PMS2: variants seen among roughly 807,000 people sequenced by gnomAD.
The protein encoded by PMS2 is mismatch repair endonuclease PMS2.
In PMS2, 69 loss-of-function variants were observed where a neutral mutation model predicts 90.0. The observed-to-expected ratio is 0.77, with a 90% CI of 0.63 to 0.94. PMS2 has a LOEUF of 0.94. Among genes scored for constraint, PMS2 ranks in the 40% least tolerant of loss-of-function variants. The pLI is 0.00. For missense variants in PMS2, 966 were observed against 1,040.2 expected (o/e 0.93, Z 0.98); for synonymous variants, 332 against 375.1 (o/e 0.89, Z 1.33).
At position 5,999,278 on chromosome 7, in the gene PMS2, G is replaced by A; in HGVS notation, c.538-3C>T. On this transcript the variant is annotated splice_region_variant and splice_polypyrimidine_tract_variant and intron_variant, in intron 5 of 14. Coordinates refer to ENST00000265849, the MANE Select transcript of PMS2 (RefSeq NM_000535.7). ...ACCTGGACCATTTTGGCATACTCCT[G>A]TTTAAAAAACACAAACACAATATTC... The A allele has an allele frequency of 6.2e-7, 1 of 1,612,566 alleles. No homozygotes were observed. Among genetic ancestry groups the A allele is most frequent in the Non-Finnish European group, 8.5e-7 (1 of 1,178,668 alleles).
At chr7:5,998,966 G>A in intron 6 of PMS2, 142 bp downstream of exon 6, 2 of 771,568 alleles carry the variant, frequency 2.6e-6, no homozygotes, top group Non-Finnish European at 4.3e-6. Flanking sequence ...CTCCAGCCTG[G>A]GCAGCAGTGC....
At chr7:5,997,216 G>GAAAA in intron 7 of PMS2, 110 bp downstream of exon 7, 17 of 568,866 alleles carry the variant, frequency 3.0e-5, no homozygotes, top group South Asian at 9.9e-5. Context: ...TCCGTCTCAA[G>GAAAA]AAAAAAAAAA....
chr7:5,978,829 C>A, intron 12 of PMS2, 133 bp from the exon 13 acceptor site: 1 of 1,142,358 alleles, frequency 8.8e-7, no homozygotes, highest in Non-Finnish European at 1.3e-6. Flanking sequence ...CAACACTACT[C>A]AGCTAAGTGT....
intron 7 of PMS2, among the ~76,000 whole-genome samples, chr7:5,996,479 T>C (rs1464747426): frequency 6.6e-6 from 1 of 150,534 alleles, no homozygotes; most frequent in African/African-American, 2.4e-5. Flanking sequence ...CGCTTGAACC[T>C]GGGAGGCAGA....
chr7:6,003,395 T>G (rs1785330760), intron 4 of PMS2: 1 of 258,802 alleles, frequency 3.9e-6, no homozygotes, highest in East Asian at 8.9e-5. Context: ...CCCTAAAAAT[T>G]GATAATGAAA....
Position 5,995,635 on chromosome 7 carries a change from T to C in PMS2, c.804-2A>G, listed in dbSNP as rs1307026290. ...CATTGTGAAATGAAACCTGAGATGC[T>C]ATTCAACATTAATATGGTAAGGGCA... On this transcript the variant is annotated splice_acceptor_variant, in intron 7 of 14. Coordinates refer to ENST00000265849, the MANE Select transcript of PMS2 (RefSeq NM_000535.7). LOFTEE classifies it high-confidence loss of function. 1.9e-6 allele frequency: 3 copies of C among 1,588,994 alleles called. No individual in the cohort carries two copies. In the Admixed American group the frequency reaches 5.0e-5, roughly 26 times the overall value.
chr7:6,004,229 T>C, intron 2 of PMS2, 171 bp from the exon 3 acceptor site: 1 of 571,896 alleles, frequency 1.7e-6, no homozygotes, highest in East Asian at 3.0e-5. Context: ...TTCTGGCTAT[T>C]TACTAGCCCA....
chr7:6,003,045 G>A (rs1404403825), intron 4 of PMS2, among the ~76,000 whole-genome samples: 3 of 152,136 alleles, frequency 2.0e-5, no homozygotes, highest in Admixed American at 1.3e-4. Flanking sequence ...TGTTATCCCA[G>A]CACTTTGGGA....
chr7:5,995,343 G>T (rs972038765), intron 8 of PMS2, among the ~76,000 whole-genome samples, 191 bp downstream of exon 8: 1 of 152,148 alleles, frequency 6.6e-6, no homozygotes, highest in Non-Finnish European at 1.5e-5. Context: ...GGACAGAAAA[G>T]TCTTCAGTTG....
At chr7:5,981,412 T>C (rs1328443576) in intron 12 of PMS2, among the ~76,000 whole-genome samples, 1 of 149,502 alleles carries the variant, frequency 6.7e-6, no homozygotes, top group African/African-American at 2.5e-5. Flanking sequence ...GTCTGACTAA[T>C]TTTTTACATT....
intron 1 of PMS2, among the ~76,000 whole-genome samples, chr7:6,007,563 T>C (rs1430090808): frequency 6.6e-6 from 1 of 152,228 alleles, no homozygotes; most frequent in Non-Finnish European, 1.5e-5. Context: ...GTGTGTTCAT[T>C]AACTTAGCAA....
chr7:5,975,961 C>T (rs1230509491), intron 14 of PMS2, among the ~76,000 whole-genome samples: 1 of 138,698 alleles, frequency 7.2e-6, no homozygotes, highest in Admixed American at 7.4e-5. Flanking sequence ...CTGTTTTAGG[C>T]CAGGTGCGGT....
intron 14 of PMS2, among the ~76,000 whole-genome samples, chr7:5,976,150 C>A (rs541837874): frequency 7.1e-6 from 1 of 141,026 alleles, no homozygotes; most frequent in South Asian, 2.4e-4. Flanking sequence ...GCAGGAGAAT[C>A]GCTTGAACCT....
In PMS2 at chr7:5,979,016, G is replaced by A. The variant is rs572960706; in HGVS notation, c.2175-320C>T. The stretch of plus-strand genomic sequence containing the variant: ...TTGAGACCGGCCTGGTCAACACAGC[G>A]AAACACTCTCTCTACTAAAAATATA... On this transcript the variant is annotated intron_variant, in intron 12 of 14. Coordinates refer to ENST00000265849, the MANE Select transcript of PMS2 (RefSeq NM_000535.7). Among the ~76,000 whole-genome samples the A allele has an allele frequency of 1.5e-4, 23 of 148,388 alleles. 1 individual carries two copies. In the East Asian group the frequency reaches 2.9e-3, roughly 19 times the overall value.
intron 7 of PMS2, 148 bp from the exon 8 acceptor site, chr7:5,995,781 G>T: frequency 1.5e-6 from 1 of 687,884 alleles, no homozygotes. Flanking sequence ...GGGTATCTGT[G>T]CTCCAAATCT....
rs937791635 is a variant in PMS2, at chr7:5,979,685, C to T, written c.2175-989G>A. Among the ~76,000 whole-genome samples, 9 of 138,968 alleles carry T rather than the reference C, an allele frequency of 6.5e-5. 1 individual carries two copies. The highest frequency in any genetic ancestry group is 1.0e-4 in the African/African-American group (4 of 38,334). 91.2% of individuals were successfully genotyped at this position (138,968 alleles called of 152,430 possible). ...TACTGTTTGTTTTTTTTTAACCTTT[C>T]GTTATTTTTTTCAAAGATAGAGACA... is the stretch of plus-strand genomic sequence containing the variant. On this transcript the variant is annotated intron_variant, in intron 12 of 14. Coordinates refer to ENST00000265849, the MANE Select transcript of PMS2 (RefSeq NM_000535.7).
At chr7:5,996,052 C>G (rs1410193287) in intron 7 of PMS2, among the ~76,000 whole-genome samples, 1 of 152,180 alleles carries the variant, frequency 6.6e-6, no homozygotes, top group East Asian at 1.9e-4. Context: ...TTCAAAACCT[C>G]CCGGGTAGGA....
At chr7:5,996,869 A>C (rs1237887762) in intron 7 of PMS2, among the ~76,000 whole-genome samples, 1 of 152,116 alleles carries the variant, frequency 6.6e-6, no homozygotes, top group Non-Finnish European at 1.5e-5. Flanking sequence ...CTTTGTATAA[A>C]TCATCTTTCT....
At chr7:6,002,733 C>T in intron 4 of PMS2, 97 bp from the exon 5 acceptor site, 2 of 972,482 alleles carry the variant, frequency 2.1e-6, no homozygotes, top group South Asian at 1.3e-5. Context: ...TCAAAATTTT[C>T]TTAAAAAGCT....
Sources: gnomAD v4.1 joint callset for allele counts (sites outside exome capture counted in the v4.1 genomes callset) on GRCh38, gnomAD v4.1.1 for gene constraint, MANE v1.5 for transcripts, NCBI Gene and HGNC (gene_info 2026-07-23, HGNC 2026-07-21) for gene names.